SCN11A: variants seen among roughly 807,000 people sequenced by gnomAD.
SCN11A encodes the protein sodium voltage-gated channel alpha subunit 11.
In SCN11A, 122 loss-of-function variants were observed where a neutral mutation model predicts 162.2. The ratio of observed to expected loss-of-function variants is 0.75; its 90% CI spans 0.65 to 0.87. The LOEUF is 0.87. Among genes scored for constraint, SCN11A ranks in the 40% least tolerant of loss-of-function variants. The pLI, the probability that SCN11A is intolerant of heterozygous loss-of-function variation, is 0.00. For missense variants in SCN11A, 2,015 were observed against 2,181.6 expected (o/e 0.92, Z 1.52); for synonymous variants, 758 against 751.5 (o/e 1.01, Z -0.14).
intron 28 of SCN11A, among the ~76,000 whole-genome samples, chr3:38,851,729 G>T (rs1438240668): frequency 6.6e-6 from 1 of 152,176 alleles, no homozygotes; most frequent in Admixed American, 6.5e-5. Context: ...TATCTTTAGA[G>T]AACTCACATA....
chr3:38,871,453 G>A lies in SCN11A; in HGVS notation c.3751C>T (p.Leu1251=). ...DNVGNAYLAL[L]QVATFKGWMD... is the part of the protein sequence containing the mutation. ...ATACTGACTGTACTTACCACTTGCA[G>A]CAGAGCGAGGTAAGCATTTCCCACA... Residue 1251 remains leucine, a synonymous_variant, in exon 25 of 30, where the codon CTG becomes TTG. Coordinates refer to ENST00000302328, the MANE Select transcript of SCN11A (RefSeq NM_001349253.2). 3 of 1,603,966 alleles carry A rather than the reference G, an allele frequency of 1.9e-6. No individual in the cohort carries two copies. Among genetic ancestry groups the A allele is most frequent in the East Asian group, 2.2e-5 (1 of 44,828 alleles).
At chr3:38,914,816 C>T (rs1232468735) in intron 11 of SCN11A, among the ~76,000 whole-genome samples, 1 of 152,120 alleles carries the variant, frequency 6.6e-6, no homozygotes, top group Non-Finnish European at 1.5e-5. Flanking sequence ...CCATGCATCC[C>T]AAGGATGAAG....
chr3:38,931,575 G>A (rs1002608223), intron 7 of SCN11A, among the ~76,000 whole-genome samples: 2 of 152,208 alleles, frequency 1.3e-5, no homozygotes, highest in South Asian at 2.1e-4. Flanking sequence ...GAAGCATGAC[G>A]AGAGTGGGCA....
At chr3:38,972,757 C>A (rs2066824028) in intron 2 of SCN11A, among the ~76,000 whole-genome samples, 1 of 151,428 alleles carries the variant, frequency 6.6e-6, no homozygotes, top group Non-Finnish European at 1.5e-5. Context: ...AAGACAGATA[C>A]AAGTAGATTG....
chr3:38,930,101 G>A (rs1162154680), intron 7 of SCN11A, among the ~76,000 whole-genome samples: 2 of 152,156 alleles, frequency 1.3e-5, no homozygotes, highest in Non-Finnish European at 2.9e-5. Flanking sequence ...GAGTCTGCAA[G>A]CACAAACACA....
chr3:39,024,715 AG>A (rs1425392997), intron 2 of SCN11A, among the ~76,000 whole-genome samples: 1 of 152,252 alleles, frequency 6.6e-6, no homozygotes, highest in East Asian at 1.9e-4. Context: ...CATTTCAGAA[AG>A]GGTCCTGCCC....
intron 26 of SCN11A, 107 bp from the exon 27 acceptor site, chr3:38,867,565 G>T: frequency 5.1e-6 from 4 of 790,466 alleles, no homozygotes; most frequent in Non-Finnish European, 8.0e-6. Context: ...CAGCAACATT[G>T]ACTACATAGC....
intron 7 of SCN11A, among the ~76,000 whole-genome samples, chr3:38,936,453 T>C (rs2066333456): frequency 6.6e-6 from 1 of 150,986 alleles, no homozygotes; most frequent in Non-Finnish European, 1.5e-5. Context: ...GATGACATGA[T>C]TGTATATCTA....
At chr3:38,989,454 C>T (rs1237953336) in intron 2 of SCN11A, among the ~76,000 whole-genome samples, 1 of 152,204 alleles carries the variant, frequency 6.6e-6, no homozygotes, top group Non-Finnish European at 1.5e-5. Flanking sequence ...GCTGGAACAG[C>T]TAGGTACAAC....
At chr3:39,042,908 G>A (rs2032083592) in intron 1 of SCN11A, among the ~76,000 whole-genome samples, 1 of 125,478 alleles carries the variant, frequency 8.0e-6, no homozygotes, top group African/African-American at 3.1e-5. Flanking sequence ...AGTGAGCCGA[G>A]ATCATGCCAT....
chr3:39,039,450 C>A (rs1482084868), intron 1 of SCN11A, among the ~76,000 whole-genome samples: 2 of 150,284 alleles, frequency 1.3e-5, no homozygotes, highest in East Asian at 3.9e-4. Flanking sequence ...GAAGCCACTG[C>A]TGAAGTACAT....
At chr3:38,937,675 A>T (rs2066358597) in intron 7 of SCN11A, among the ~76,000 whole-genome samples, 1 of 152,114 alleles carries the variant, frequency 6.6e-6, no homozygotes, top group African/African-American at 2.4e-5. Flanking sequence ...ACAATGAGAT[A>T]CCATCTCACA....
intron 9 of SCN11A, among the ~76,000 whole-genome samples, chr3:38,923,827 T>C (rs1422136134): frequency 6.6e-6 from 1 of 152,064 alleles, no homozygotes; most frequent in African/African-American, 2.4e-5. Flanking sequence ...AGGGAGAAAC[T>C]TCAGACTGCA....
intron 2 of SCN11A, among the ~76,000 whole-genome samples, chr3:39,022,477 T>C (rs918392039): frequency 8.5e-5 from 13 of 152,210 alleles, no homozygotes; most frequent in African/African-American, 3.1e-4. Context: ...TTTATGAACC[T>C]TATCTTTCTT....
At chr3:38,872,955 A>T (rs2065153203) in intron 23 of SCN11A, among the ~76,000 whole-genome samples, 1 of 152,196 alleles carries the variant, frequency 6.6e-6, no homozygotes, top group South Asian at 2.1e-4. Flanking sequence ...TTACATGGAA[A>T]AAATAAATTA....
At chr3:38,868,847 AC>A (rs541416951) in intron 26 of SCN11A, among the ~76,000 whole-genome samples, 29 of 152,338 alleles carry the variant, frequency 1.9e-4, no homozygotes, top group Admixed American at 5.9e-4. Context: ...GATTTGAGTA[AC>A]ATAATTGAAC....
rs2031616982 is a variant in SCN11A, at chr3:39,027,446, G to C, written c.-280+4934C>G. ...GTTGCCCAGGGGTCAGTGCATGATA[G>C]TGAGATTCAGAACATATGACTTTCT... On this transcript the variant is annotated intron_variant, in intron 2 of 29. Transcript: ENST00000302328. Among the ~76,000 whole-genome samples the C allele has an allele frequency of 2.6e-5, 4 of 152,182 alleles. No homozygotes were observed. In the South Asian group the frequency reaches 8.3e-4, roughly 31 times the overall value.
At chr3:38,919,640 T>C (rs2125546869) in intron 11 of SCN11A, among the ~76,000 whole-genome samples, 1 of 152,326 alleles carries the variant, frequency 6.6e-6, no homozygotes, top group Non-Finnish European at 1.5e-5. Context: ...AGTCATAACA[T>C]CCCTTCTCAG....
chr3:39,000,841 A>C (rs1205073885), intron 2 of SCN11A, among the ~76,000 whole-genome samples: 1 of 152,178 alleles, frequency 6.6e-6, no homozygotes, highest in African/African-American at 2.4e-5. Context: ...GTTTGAGACC[A>C]GCCTGAGTAA....
Sources: gnomAD v4.1 joint callset for allele counts (sites outside exome capture counted in the v4.1 genomes callset) on GRCh38, gnomAD v4.1.1 for gene constraint, MANE v1.5 for transcripts, NCBI Gene and HGNC (gene_info 2026-07-23, HGNC 2026-07-21) for gene names.